The following RNF167 variants were observed in gnomAD, a reference collection of about 807,000 sequenced individuals.
The protein encoded by RNF167 is ring finger protein 167.
Under a neutral mutation model 34.8 loss-of-function variants are expected in RNF167, and 19 were observed. That is an observed-to-expected ratio of 0.55 (90% CI 0.38 to 0.80). RNF167 has a LOEUF of 0.80. Among genes scored for constraint, RNF167 ranks in the 30% least tolerant of loss-of-function variants. The pLI, the probability that RNF167 is intolerant of heterozygous loss-of-function variation, is 0.00. For missense variants in RNF167, 464 were observed against 447.0 expected (o/e 1.04, Z -0.34); for synonymous variants, 200 against 170.4 (o/e 1.17, Z -1.35).
chr17:4,944,873 G>A lies in RNF167; in HGVS notation c.910G>A (p.Ala304Thr). Residue 304 changes from alanine to threonine, a missense_variant, in exon 10 of 10, where the codon GCC (alanine) becomes ACC (threonine). Ala to Thr is a moderately conservative substitution (Grantham distance 58). Coordinates refer to ENST00000262482, the MANE Select transcript of RNF167 (RefSeq NM_015528.3). Reference sequence around the variant, plus strand: ...TGAAGGGGAGCCAAGGGACCACCCTGCCTCAGAAAGGACCCCACTTTTGGG... The same window carrying A: ...TGAAGGGGAGCCAAGGGACCACCCTACCTCAGAAAGGACCCCACTTTTGGG... ...GDEGEPRDHP[A>T]SERTPLLGSS... 6.2e-7 allele frequency: 1 copy of A among 1,614,004 alleles called. No individual in the cohort carries two copies. The highest frequency in any genetic ancestry group is 8.5e-7 in the Non-Finnish European group (1 of 1,179,952).
In RNF167 at chr17:4,943,268, C is replaced by T. The variant is rs1971017437; in HGVS notation, c.560C>T (p.Ala187Val). The T allele has an allele frequency of 6.2e-7, 1 of 1,613,886 alleles. No individual in the cohort carries two copies. Among genetic ancestry groups the T allele is most frequent in the East Asian group, 2.2e-5 (1 of 44,880 alleles). ...GGGATTGTGGGACTGCTGGTTTTGGCCATGGGAGCAGTAATGGTGAGTAGC... is the reference window on the plus strand; with the variant it reads ...GGGATTGTGGGACTGCTGGTTTTGGTCATGGGAGCAGTAATGGTGAGTAGC... The part of the protein sequence containing the change: ...FTGIVGLLVL[A>V]MGAVMIARCI... Residue 187 changes from alanine to valine, a missense_variant, in exon 7 of 10, where the codon GCC (alanine) becomes GTC (valine). Coordinates refer to ENST00000262482, the MANE Select transcript of RNF167 (RefSeq NM_015528.3).
chr17:4,945,152 T>TTTTTTAA lies in RNF167; in HGVS notation c.*136_*137insTTTTTAA. 2 of 787,294 alleles carry TTTTTTAA rather than the reference T, an allele frequency of 2.5e-6. No homozygotes were observed. The highest frequency in any genetic ancestry group is 2.9e-5 in the Admixed American group (1 of 34,680). 48.8% of individuals were successfully genotyped at this position (787,294 alleles called of 1,614,324 possible). The stretch of plus-strand genomic sequence containing the variant: ...CCTATCCTTTTGAGGGGCTTTGGGG[T>TTTTTTAA]GGAGCTGGGGCAAGCAGAGGGACTG... On this transcript the variant is annotated 3_prime_UTR_variant, in exon 10 of 10. Transcript: ENST00000262482.
chr17:4,943,683 A>G (rs1971072476), intron 8 of RNF167, among the ~76,000 whole-genome samples, 164 bp downstream of exon 8: 1 of 152,226 alleles, frequency 6.6e-6, no homozygotes, highest in Non-Finnish European at 1.5e-5. Flanking sequence ...CAAGGTGGGC[A>G]GGTCACTTGA....
rs1597666286 is a variant in RNF167, at chr17:4,942,770, C to T, written c.380-81C>T. On this transcript the variant is annotated intron_variant, in intron 5 of 9. Transcript: ENST00000262482. Reference sequence around the variant, plus strand: ...AGCCAATCCTTTAGGTGGGGTGGGGCCAAAGTGCAAGATGCCAGGGTTCCC... The same window carrying T: ...AGCCAATCCTTTAGGTGGGGTGGGGTCAAAGTGCAAGATGCCAGGGTTCCC... The T allele has an allele frequency of 2.0e-5, 32 of 1,581,686 alleles. No individual in the cohort carries two copies. The East Asian group carries it at 7.2e-4, about 35-fold the overall frequency.
intron 8 of RNF167, 127 bp from the exon 9 acceptor site, chr17:4,944,431 C>G (rs1052870790): frequency 2.7e-6 from 4 of 1,459,554 alleles, no homozygotes; most frequent in Non-Finnish European, 3.6e-6. Flanking sequence ...TGACCTTATC[C>G]TGCCTACCTG....
At chr17:4,941,613 A>G (rs1016705706) in intron 3 of RNF167, among the ~76,000 whole-genome samples, 4 of 152,212 alleles carry the variant, frequency 2.6e-5, no homozygotes, top group Admixed American at 6.5e-5. Flanking sequence ...CCACATAGCA[A>G]GAACTCAGTT....
Position 4,944,570 on chromosome 17 carries a change from A to T in RNF167, c.683A>T (p.Asp228Val), listed in dbSNP as rs770339610. The T allele has an allele frequency of 1.7e-5, 28 of 1,601,552 alleles. No individual in the cohort carries two copies. ...THDYQKGDQY[D>V]VCAICLDEYE... ...CTTTCTGTCCCAGGAGACCAGTATG[A>T]TGTCTGTGCCATTTGCCTGGATGAA... The change falls in exon 9 of 10, where the codon GAT (aspartate) becomes GTT (valine). Residue 228 changes from aspartate (D) to valine (V), a missense_variant. Transcript: ENST00000262482.
At chr17:4,942,992 C>T (rs772471064) in intron 6 of RNF167, 51 bp downstream of exon 6, 1 of 1,543,226 alleles carries the variant, frequency 6.5e-7, no homozygotes, top group Non-Finnish European at 9.0e-7. Context: ...AGTTCCATGC[C>T]AACCTGGAGC....
chr17:4,942,794 C>T, intron 5 of RNF167, 57 bp from the exon 6 acceptor site: 1 of 1,596,032 alleles, frequency 6.3e-7, no homozygotes, highest in Non-Finnish European at 8.6e-7. Flanking sequence ...GCCAGGGTTC[C>T]CAGAGGATTT....
In RNF167 at chr17:4,940,957, G is replaced by T. The variant is rs1218122173; in HGVS notation, c.48G>T (p.Leu16=). Residue 16 remains leucine (L), a synonymous_variant, in exon 2 of 10, where the codon CTG becomes CTT. Transcript: ENST00000262482. The part of the protein sequence containing the change: ...FPLPVVVAAV[L]WGAAPTRGLI... ...TTCCTGTGGTTGTGGCCGCTGTGCT[G>T]TGGGGAGCGGCCCCGACCCGGGGGC... 1 of 1,611,858 alleles carries T rather than the reference G, an allele frequency of 6.2e-7. No individual in the cohort carries two copies. Among genetic ancestry groups the T allele is most frequent in the African/African-American group, 1.3e-5 (1 of 74,918 alleles).
In RNF167 at chr17:4,942,850, G is replaced by T; in HGVS notation, c.380-1G>T. The T allele has an allele frequency of 1.2e-6, 2 of 1,614,126 alleles. No homozygotes were observed. The highest frequency in any genetic ancestry group is 1.7e-6 in the Non-Finnish European group (2 of 1,179,948). ...CCAGAGTAACACCTTGATCCCTGCA[G>T]AGGAAATCCAGCAGCAGATCTGGAT... On this transcript the variant is annotated splice_acceptor_variant, in intron 5 of 9. Transcript: ENST00000262482. LOFTEE classifies it high-confidence loss of function.
In RNF167 at chr17:4,944,624, T is replaced by A; in HGVS notation, c.737T>A (p.Leu246His). The A allele has an allele frequency of 6.2e-7, 1 of 1,613,462 alleles. No homozygotes were observed. The highest frequency in any genetic ancestry group is 8.5e-7 in the Non-Finnish European group (1 of 1,179,726). ...GAGGATGGGGACAAGCTGCGGGTAC[T>A]CCCCTGTGCTCATGGTGAGGCCCTC... is the stretch of plus-strand genomic sequence containing the variant. ...EYEDGDKLRV[L>H]PCAHAYHSRC... The change falls in exon 9 of 10, where the codon CTC (leucine) becomes CAC (histidine). Residue 246 changes from leucine to histidine, a missense_variant. Physicochemically the swap from Leu to His is moderately conservative, Grantham distance 99 (BLOSUM62 -3). Transcript: ENST00000262482.
chr17:4,944,641 G>A lies in RNF167; in HGVS notation c.751+3G>A, dbSNP rs1340404733. 3 of 1,613,984 alleles carry A rather than the reference G, an allele frequency of 1.9e-6. No individual in the cohort carries two copies. The highest frequency in any genetic ancestry group is 1.3e-5 in the African/African-American group (1 of 74,908). ...GCGGGTACTCCCCTGTGCTCATGGT[G>A]AGGCCCTCACTGCCTGCCCATGCCC... is the stretch of plus-strand genomic sequence containing the variant. On this transcript the variant is annotated splice_donor_region_variant and intron_variant, in intron 9 of 9. Coordinates refer to ENST00000262482, the MANE Select transcript of RNF167 (RefSeq NM_015528.3).
intron 3 of RNF167, 117 bp from the exon 4 acceptor site, chr17:4,942,224 G>A: frequency 8.4e-7 from 1 of 1,191,746 alleles, no homozygotes; most frequent in South Asian, 1.4e-5. Context: ...ACCCCAGGAA[G>A]GAGGAGGAAG....
chr17:4,943,429 G>T lies in RNF167; in HGVS notation c.580G>T (p.Ala194Ser). Residue 194 changes from alanine to serine, a missense_variant, in exon 8 of 10, where the codon GCT becomes TCT. Transcript: ENST00000262482. ...CATCCACCCCCGCTTCCCCCAGATAGCTCGTTGTATCCAGCACCGGAAACG... is the reference window on the plus strand; with the variant it reads ...CATCCACCCCCGCTTCCCCCAGATATCTCGTTGTATCCAGCACCGGAAACG... Reference protein sequence around the residue: ...LVLAMGAVMIARCIQHRKRLQ... With the variant: ...LVLAMGAVMISRCIQHRKRLQ... The T allele has an allele frequency of 6.2e-7, 1 of 1,613,716 alleles. No homozygotes were observed. Among genetic ancestry groups the T allele is most frequent in the East Asian group, 2.2e-5 (1 of 44,878 alleles).
In RNF167 at chr17:4,941,069, G is replaced by A; in HGVS notation, c.85-8G>A. 6.2e-7 allele frequency: 1 copy of A among 1,614,148 alleles called. No individual in the cohort carries two copies. Among genetic ancestry groups the A allele is most frequent in the Non-Finnish European group, 8.5e-7 (1 of 1,180,008 alleles). ...GCTGAAGGGGAACATCGCCTTTTTTGTCCGCAGACCTCGGACCACAATGCC... is the reference window on the plus strand; with the variant it reads ...GCTGAAGGGGAACATCGCCTTTTTTATCCGCAGACCTCGGACCACAATGCC... On this transcript the variant is annotated splice_region_variant and splice_polypyrimidine_tract_variant and intron_variant, in intron 2 of 9. Coordinates refer to ENST00000262482, the MANE Select transcript of RNF167 (RefSeq NM_015528.3).
At chr17:4,942,540 C>T (rs765467729) in intron 4 of RNF167, 37 bp from the exon 5 acceptor site, 4 of 1,613,678 alleles carry the variant, frequency 2.5e-6, no homozygotes, top group Non-Finnish European at 3.4e-6. Flanking sequence ...CAGGTAAGGC[C>T]CATGATGGCT....
intron 5 of RNF167, 51 bp from the exon 6 acceptor site, chr17:4,942,800 G>A: frequency 6.3e-7 from 1 of 1,598,724 alleles, no homozygotes; most frequent in Non-Finnish European, 8.6e-7. Flanking sequence ...GTTCCCAGAG[G>A]ATTTGAGTAG....
At chr17:4,943,358 G>T in intron 7 of RNF167, 68 bp from the exon 8 acceptor site, 1 of 1,583,436 alleles carries the variant, frequency 6.3e-7, no homozygotes, top group Non-Finnish European at 8.7e-7. Context: ...TTGGGAGATG[G>T]GAGTGGCTTG....
Sources: allele counts gnomAD v4.1 joint callset (sites outside exome capture counted in the v4.1 genomes callset), GRCh38; gene constraint gnomAD v4.1.1; transcripts MANE v1.5; gene names NCBI Gene and HGNC (gene_info 2026-07-23, HGNC 2026-07-21).